PRKAR2B: variants seen among roughly 807,000 people sequenced by gnomAD.
PRKAR2B encodes cAMP-dependent protein kinase type II-beta regulatory subunit.
Under a neutral mutation model 49.9 loss-of-function variants are expected in PRKAR2B, and 14 were observed. That is an observed-to-expected ratio of 0.28 (90% confidence interval 0.19 to 0.44). The LOEUF is 0.44. Among genes scored for constraint, PRKAR2B ranks in the 20% least tolerant of loss-of-function variants. PRKAR2B has a pLI of 1.00. For synonymous variants in PRKAR2B, 196 were observed against 197.7 expected (o/e 0.99, Z 0.07); for missense variants, 393 against 537.9 (o/e 0.73, Z 2.67).
chr7:107,130,148 T>G (rs979099990), intron 4 of PRKAR2B, among the ~76,000 whole-genome samples: 1 of 152,196 alleles, frequency 6.6e-6, no homozygotes, highest in African/African-American at 2.4e-5. Context: ...ATAATAGTTT[T>G]GGATAGATTT....
intron 2 of PRKAR2B, among the ~76,000 whole-genome samples, chr7:107,075,615 A>G (rs1020202177): frequency 2.0e-5 from 3 of 151,982 alleles, no homozygotes; most frequent in African/African-American, 7.3e-5. Context: ...GCCCAGGCTC[A>G]TCTTGAACTC....
intron 2 of PRKAR2B, among the ~76,000 whole-genome samples, chr7:107,091,259 A>G (rs1794728565): frequency 6.6e-6 from 1 of 152,174 alleles, no homozygotes; most frequent in Non-Finnish European, 1.5e-5. Context: ...TTGTGCTGTC[A>G]CTTTAGTTAA....
intron 5 of PRKAR2B, 24 bp downstream of exon 5, chr7:107,140,977 T>C (rs199975790): frequency 2.6e-6 from 4 of 1,511,424 alleles, no homozygotes; most frequent in South Asian, 2.3e-5. Flanking sequence ...AACCTTACTA[T>C]TGAAATTGAA....
At chr7:107,150,355 A>G (rs1317814439) in intron 6 of PRKAR2B, among the ~76,000 whole-genome samples, 3 of 152,116 alleles carry the variant, frequency 2.0e-5, no homozygotes, top group Admixed American at 6.5e-5. Flanking sequence ...GTGCCTTCAC[A>G]TTAAATAAAA....
intron 1 of PRKAR2B, among the ~76,000 whole-genome samples, chr7:107,061,959 T>C (rs1278523189): frequency 6.6e-6 from 1 of 152,116 alleles, no homozygotes; most frequent in African/African-American, 2.4e-5. Flanking sequence ...ATATTTTTAG[T>C]TATCAGGATA....
chr7:107,151,767 T>C (rs982847873), intron 7 of PRKAR2B, among the ~76,000 whole-genome samples: 28 of 152,116 alleles, frequency 1.8e-4, no homozygotes, highest in African/African-American at 6.8e-4. Flanking sequence ...GCGTTGTGGC[T>C]CTCTGCCTGG....
rs759043715 is a variant in PRKAR2B, at chr7:107,146,365, T to C, written c.645T>C (p.Tyr215=). 6.2e-6 allele frequency: 10 copies of C among 1,614,202 alleles called. No individual in the cohort carries two copies. The East Asian group carries it at 8.9e-5, about 14-fold the overall frequency. Residue 215 remains tyrosine (Y), a synonymous_variant, in exon 6 of 11, where the codon TAT becomes TAC. Transcript: ENST00000265717. ...CDGVGRCVGN[Y]DNRGSFGELA... ...GTGTTGGAAGATGTGTTGGTAACTA[T>C]GATAATCGTGGGAGTTTCGGCGAAC...
At chr7:107,047,478 G>A (rs780492598) in intron 1 of PRKAR2B, among the ~76,000 whole-genome samples, 8 of 151,296 alleles carry the variant, frequency 5.3e-5, no homozygotes, top group South Asian at 4.2e-4. Flanking sequence ...TGAGGGTTGC[G>A]GTTGTACAAA....
chr7:107,160,100 A>G lies in PRKAR2B; in HGVS notation c.*518A>G, dbSNP rs1157273300. On this transcript the variant is annotated 3_prime_UTR_variant, in exon 11 of 11. Transcript: ENST00000265717. ...ATAAGTTATGTGCTGGCCTTGGCCT[A>G]TTGGTGAAATGGTATAAAATATCAT... is the stretch of plus-strand genomic sequence containing the variant. 1 of 152,714 alleles carries G rather than the reference A, an allele frequency of 6.5e-6. No individual in the cohort carries two copies. Among genetic ancestry groups the G allele is most frequent in the Non-Finnish European group, 1.5e-5 (1 of 68,112 alleles). 9.5% of individuals were successfully genotyped at this position (152,714 alleles called of 1,614,324 possible).
intron 3 of PRKAR2B, among the ~76,000 whole-genome samples, chr7:107,124,036 G>A (rs553051535): frequency 6.6e-6 from 1 of 152,264 alleles, no homozygotes; most frequent in East Asian, 1.9e-4. Flanking sequence ...TGAGGAAAAT[G>A]TATACTATAT....
intron 5 of PRKAR2B, among the ~76,000 whole-genome samples, chr7:107,143,219 T>TCGAAGAGTTTAATCTGTACAGC (rs1795821491): frequency 6.6e-6 from 1 of 152,210 alleles, no homozygotes; most frequent in Non-Finnish European, 1.5e-5. Context: ...ATAGTGTAAA[T>TCGAAGAGTTTAATCTGTACAGC]CGAAGAGTTT....
intron 1 of PRKAR2B, among the ~76,000 whole-genome samples, chr7:107,063,002 A>G (rs1794055727): frequency 6.6e-6 from 1 of 151,974 alleles, no homozygotes; most frequent in African/African-American, 2.4e-5. Context: ...TTGTATACAT[A>G]ACATTTGCTG....
intron 2 of PRKAR2B, among the ~76,000 whole-genome samples, chr7:107,113,124 A>T (rs1049180533): frequency 4.6e-4 from 70 of 152,242 alleles, no homozygotes; most frequent in Admixed American, 2.0e-4. Context: ...TATGCTAGGC[A>T]GCATTCATCT....
chr7:107,082,558 G>C (rs1051052410), intron 2 of PRKAR2B, among the ~76,000 whole-genome samples: 2 of 152,052 alleles, frequency 1.3e-5, no homozygotes, highest in Non-Finnish European at 2.9e-5. Context: ...TAGAAGTTAA[G>C]TGAAATTAAA....
intron 2 of PRKAR2B, among the ~76,000 whole-genome samples, chr7:107,117,471 A>G (rs912375917): frequency 9.2e-5 from 14 of 152,218 alleles, no homozygotes; most frequent in Non-Finnish European, 1.8e-4. Context: ...CATTCTGTGC[A>G]AACTGTATTT....
intron 2 of PRKAR2B, among the ~76,000 whole-genome samples, chr7:107,092,601 A>G (rs1381273475): frequency 6.6e-6 from 1 of 152,148 alleles, no homozygotes; most frequent in African/African-American, 2.4e-5. Flanking sequence ...TGCTTTATGA[A>G]ATGTGATGTC....
intron 7 of PRKAR2B, among the ~76,000 whole-genome samples, chr7:107,152,267 C>T (rs1796001489): frequency 6.6e-6 from 1 of 152,194 alleles, no homozygotes; most frequent in Admixed American, 6.5e-5. Context: ...CATTCCCCCA[C>T]CCATTTTCCC....
chr7:107,147,291 G>A (rs61123979), intron 6 of PRKAR2B, among the ~76,000 whole-genome samples: 1 of 152,074 alleles, frequency 6.6e-6, no homozygotes, highest in Admixed American at 6.6e-5. Flanking sequence ...CAGCCTGGGC[G>A]ACAGAGCGAG....
Position 107,075,850 on chromosome 7 carries a change from T to A in PRKAR2B, c.343+5534T>A, listed in dbSNP as rs1272703492. Among the ~76,000 whole-genome samples the A allele has an allele frequency of 2.0e-5, 3 of 152,220 alleles. No homozygotes were observed. The East Asian group carries it at 5.8e-4, about 29-fold the overall frequency. ...GAGTCATAATACTGTTTGATAGTAA[T>A]CCTTTAATATGGGCATCTTTTTATT... is the stretch of plus-strand genomic sequence containing the variant. On this transcript the variant is annotated intron_variant, in intron 2 of 10. Coordinates refer to ENST00000265717, the MANE Select transcript of PRKAR2B (RefSeq NM_002736.3).
Sources: gnomAD v4.1 joint callset for allele counts (sites outside exome capture counted in the v4.1 genomes callset) on GRCh38, gnomAD v4.1.1 for gene constraint, MANE v1.5 for transcripts, NCBI Gene and HGNC (gene_info 2026-07-23, HGNC 2026-07-21) for gene names.